The following TRPM1 variants were observed in gnomAD, a reference collection of about 807,000 sequenced individuals.
TRPM1 encodes TRPM1-203 APA Isoform, Intron 10.
In TRPM1, 113 loss-of-function variants were observed where a neutral mutation model predicts 149.4. The ratio of observed to expected loss-of-function variants is 0.76; its 90% confidence interval spans 0.65 to 0.88. The LOEUF is 0.88. TRPM1 is among the 40% of genes least tolerant of loss of function. The pLI, the probability that TRPM1 is intolerant of heterozygous loss-of-function variation, is 0.00. For synonymous variants in TRPM1, 741 were observed against 759.5 expected (o/e 0.98, Z 0.40); for missense variants, 1,976 against 2,038.7 (o/e 0.97, Z 0.59).
At chr15:31,113,299 AG>A (rs751605759) in intron 1 of TRPM1, among the ~76,000 whole-genome samples, 10 of 152,166 alleles carry the variant, frequency 6.6e-5, no homozygotes, top group South Asian at 2.1e-4. Context: ...CTAACTCTCC[AG>A]GAAGAGTGCT....
intron 15 of TRPM1, among the ~76,000 whole-genome samples, chr15:31,046,715 A>T (rs987602492): frequency 6.6e-6 from 1 of 152,190 alleles, no homozygotes; most frequent in African/African-American, 2.4e-5. Flanking sequence ...GGCTGCTGTG[A>T]TAATGAGTTT....
At chr15:31,151,231 T>C (rs1039929695) in intron 1 of TRPM1, among the ~76,000 whole-genome samples, 3 of 152,134 alleles carry the variant, frequency 2.0e-5, no homozygotes, top group African/African-American at 7.2e-5. Flanking sequence ...TTGGCAAGAC[T>C]CTAACACTCT....
At chr15:31,046,676 T>C (rs1038488061) in intron 15 of TRPM1, among the ~76,000 whole-genome samples, 2 of 152,088 alleles carry the variant, frequency 1.3e-5, no homozygotes, top group South Asian at 4.1e-4. Context: ...GTCTCCCATG[T>C]GGGTGAGGGC....
chr15:31,108,742 C>T (rs1330980606), intron 1 of TRPM1, among the ~76,000 whole-genome samples: 1 of 152,246 alleles, frequency 6.6e-6, no homozygotes, highest in East Asian at 1.9e-4. Flanking sequence ...GATCCATCTG[C>T]CTTGGCCTCC....
rs201068426 is a variant in TRPM1 at position 31,032,639 on chromosome 15, C to T, written c.2952+50G>A. The T allele has an allele frequency of 8.1e-6, 13 of 1,613,236 alleles. No individual in the cohort carries two copies. The Middle Eastern group carries it at 5.0e-4, about 61-fold the overall frequency. Reference sequence around the variant, plus strand: ...CATGCCCAAGGCCTGTTCTTATGTCCTAACTACAGCCAAAGTCTCTCTGGA... The same window carrying T: ...CATGCCCAAGGCCTGTTCTTATGTCTTAACTACAGCCAAAGTCTCTCTGGA... On this transcript the variant is annotated intron_variant, in intron 22 of 27. Transcript: ENST00000256552.
At chr15:31,049,295 A>G (rs1204936862) in intron 13 of TRPM1, 80 bp downstream of exon 13, 27 of 1,605,778 alleles carry the variant, frequency 1.7e-5, no homozygotes, top group Non-Finnish European at 2.0e-5. Flanking sequence ...AGATGAGCAC[A>G]TTTATGCACA....
At chr15:31,102,301 G>A (rs1004808979), upstream of TRPM1, among the ~76,000 whole-genome samples, 1 of 152,206 alleles carries the variant, frequency 6.6e-6, no homozygotes, top group African/African-American at 2.4e-5. Context: ...CCACCACGGT[G>A]GGAGCTCTGT....
chr15:31,040,143 C>T lies in TRPM1; in HGVS notation c.2291G>A (p.Arg764Gln), dbSNP rs369879768. 4.9e-5 allele frequency: 79 copies of T among 1,614,232 alleles called. No homozygotes were observed. The highest frequency in any genetic ancestry group is 8.0e-5 in the African/African-American group (6 of 75,054). Residue 764 changes from arginine (R) to glutamine (Q), a missense_variant, in exon 18 of 28, where the codon CGG (arginine) becomes CAG (glutamine). Arg to Gln is a conservative substitution (Grantham distance 43). Transcript: ENST00000256552. The surrounding 1 kb of genome is among the most constrained non-coding windows in gnomAD (Gnocchi z 4.2). ...LLTDMWMGRL[R>Q]MRKNPGLKVI... is the part of the protein sequence containing the mutation. ...CTTCAGGCCGGGGTTCTTCCGCATC[C>T]GCAGTCTTCCCATCCACATATCGGT...
At chr15:31,061,222 G>A (rs2034222597) in intron 10 of TRPM1, among the ~76,000 whole-genome samples, 1 of 152,194 alleles carries the variant, frequency 6.6e-6, no homozygotes, top group African/African-American at 2.4e-5. Context: ...AAACGGTTCT[G>A]ACCTCAGCCC....
chr15:31,089,240 C>T (rs910232213), intron 1 of TRPM1, among the ~76,000 whole-genome samples: 4 of 152,058 alleles, frequency 2.6e-5, no homozygotes, highest in Non-Finnish European at 4.4e-5. Flanking sequence ...CCAGCGTGTC[C>T]CCCACTGGGT....
intron 1 of TRPM1, among the ~76,000 whole-genome samples, chr15:31,130,842 G>T (rs112264283): frequency 1.3e-5 from 2 of 152,114 alleles, no homozygotes; most frequent in Admixed American, 1.3e-4. Context: ...CCTAGTCTCC[G>T]AATGTTCAGG....
intron 3 of TRPM1, among the ~76,000 whole-genome samples, chr15:31,070,645 C>T (rs967858659): frequency 5.3e-5 from 8 of 152,102 alleles, no homozygotes; most frequent in African/African-American, 1.9e-4. Context: ...CCAGACCTCC[C>T]CCAAGCTCAG....
chr15:31,013,894 G>A (rs1299908534), intron 27 of TRPM1, among the ~76,000 whole-genome samples: 1 of 152,218 alleles, frequency 6.6e-6, no homozygotes, highest in Non-Finnish European at 1.5e-5. Context: ...CCTTAAATGT[G>A]TGGAACAAAA....
Position 31,067,054 on chromosome 15 carries a change from A to G in TRPM1, c.618+9T>C. ...AAAAACTGCCAACATTTGCAGAGAA[A>G]ACACTTACATCCTTTCCAACCAGGT... On this transcript the variant is annotated intron_variant, in intron 6 of 27. Coordinates refer to ENST00000256552, the MANE Select transcript of TRPM1 (RefSeq NM_001252024.2). The G allele has an allele frequency of 6.2e-7, 1 of 1,614,158 alleles. No homozygotes were observed. Among genetic ancestry groups the G allele is most frequent in the South Asian group, 1.1e-5 (1 of 91,082 alleles).
At chr15:31,124,654 CAAAAAA>C (rs57964365) in intron 1 of TRPM1, among the ~76,000 whole-genome samples, 1 of 86,416 alleles carries the variant, frequency 1.2e-5, no homozygotes, top group Non-Finnish European at 2.3e-5. Context: ...GACTCTGTCT[CAAAAAA>C]AAAAAAAAAA....
intron 1 of TRPM1, among the ~76,000 whole-genome samples, chr15:31,095,598 T>G (rs1252501916): frequency 6.6e-6 from 1 of 151,694 alleles, no homozygotes; most frequent in Non-Finnish European, 1.5e-5. Context: ...GGCAGGAGAA[T>G]AGCTTGAACC....
intron 20 of TRPM1, 197 bp from the exon 21 acceptor site, chr15:31,035,871 C>G: frequency 1.4e-6 from 1 of 699,712 alleles, no homozygotes; most frequent in Non-Finnish European, 2.5e-6. Flanking sequence ...GCATTTTATA[C>G]TTCAGCACGA....
chr15:31,037,799 T>C lies in TRPM1; in HGVS notation c.2483A>G (p.Asn828Ser). Residue 828 changes from asparagine (N) to serine (S), a missense_variant, in exon 20 of 28, where the codon AAC (asparagine) becomes AGC (serine). Physicochemically the swap from Asn to Ser is conservative, Grantham distance 46. Transcript: ENST00000256552. ...AATACTTCTCTGTTTTTTGTGCTCG[T>C]TCTCCTCATCCCCCTTTCTTGAGCC... is the stretch of plus-strand genomic sequence containing the variant. ...DAGSRKGDEENEHKKQRSIPI... is the reference protein window; with the variant it reads ...DAGSRKGDEESEHKKQRSIPI... The C allele has an allele frequency of 6.2e-7, 1 of 1,614,208 alleles. No individual in the cohort carries two copies. The highest frequency in any genetic ancestry group is 8.5e-7 in the Non-Finnish European group (1 of 1,180,030).
At chr15:31,047,323 G>A in intron 14 of TRPM1, 72 bp from the exon 15 acceptor site, 4 of 1,580,432 alleles carry the variant, frequency 2.5e-6, no homozygotes, top group Non-Finnish European at 3.5e-6. Context: ...ACGTCTAGGG[G>A]GTAAGTGGCT....
Sources: gnomAD v4.1 joint callset for allele counts (sites outside exome capture counted in the v4.1 genomes callset) on GRCh38, gnomAD v4.1.1 for gene constraint, Gnocchi (gnomAD v3.1) non-coding constraint, MANE v1.5 for transcripts, NCBI Gene and HGNC (gene_info 2026-07-23, HGNC 2026-07-21) for gene names.